DMD: variants seen among roughly 807,000 people sequenced by gnomAD.
The protein encoded by DMD is dystrophin, also known as mutant dystrophin.
A neutral mutation model predicts 330.1 loss-of-function variants in DMD; 63 were observed. That is an observed-to-expected ratio of 0.19 (90% CI 0.16 to 0.24). The LOEUF (loss-of-function observed/expected upper bound fraction) is 0.24. Ranked by LOEUF, DMD falls within the 10% of genes least tolerant of loss-of-function variation. The pLI is 1.00. For missense variants in DMD, 3,344 were observed against 2,684.1 expected (o/e 1.25, Z -5.43); for synonymous variants, 1,223 against 959.8 (o/e 1.27, Z -5.07).
rs376567820 is a variant in DMD at position 32,693,585 on chromosome X, G to T, written c.960+4285C>A. On this transcript the variant is annotated intron_variant, in intron 9 of 78. Coordinates refer to ENST00000357033, the MANE Select transcript of DMD (RefSeq NM_004006.3). ...TTCCCAAGTAGCTGGGATTACAGGTGTGTGCCACCACACTCGCTTAATTTT... is the reference window on the plus strand; with the variant it reads ...TTCCCAAGTAGCTGGGATTACAGGTTTGTGCCACCACACTCGCTTAATTTT... Among the ~76,000 whole-genome samples, 12 of 111,203 alleles carry T rather than the reference G, an allele frequency of 1.1e-4. No homozygotes were observed. The East Asian group carries it at 3.1e-3, about 29-fold the overall frequency.
chrX:33,208,860 C>A (rs919691903), intron 1 of DMD, among the ~76,000 whole-genome samples: 1 of 110,776 alleles, frequency 9.0e-6, no homozygotes, highest in African/African-American at 3.3e-5. Context: ...TTGTTTTACT[C>A]TTGAGATAAA....
chrX:31,785,456 C>G (rs769007558), intron 50 of DMD, among the ~76,000 whole-genome samples: 37 of 111,879 alleles, frequency 3.3e-4, no homozygotes, highest in African/African-American at 1.1e-3. Flanking sequence ...GTTTTTCAAC[C>G]ACATTTTTTA....
chrX:32,755,366 G>A (rs2748314), intron 7 of DMD, among the ~76,000 whole-genome samples: 40,514 of 109,743 alleles, frequency 0.37, 6,611 homozygotes, highest in African/African-American at 0.62. Context: ...AGGAAGATAC[G>A]GAAGTGAGCA....
At chrX:31,876,560 G>A (rs2093970338) in intron 47 of DMD, among the ~76,000 whole-genome samples, 1 of 110,485 alleles carries the variant, frequency 9.1e-6, no homozygotes, top group African/African-American at 3.3e-5. Context: ...TAAATAAAGA[G>A]CCAGGATAGG....
intron 47 of DMD, among the ~76,000 whole-genome samples, chrX:31,888,772 G>A (rs994907219): frequency 5.4e-5 from 6 of 111,540 alleles, no homozygotes; most frequent in African/African-American, 2.0e-4. Context: ...AATACATTGT[G>A]GTTATATGCC....
At chrX:31,717,104 T>A (rs2085121971) in intron 52 of DMD, among the ~76,000 whole-genome samples, 3 of 111,533 alleles carry the variant, frequency 2.7e-5, no homozygotes, top group Non-Finnish European at 3.8e-5. Flanking sequence ...GAAAATAAAA[T>A]CCACTTATAT....
chrX:31,631,412 G>C (rs1380387436), intron 54 of DMD, among the ~76,000 whole-genome samples: 4 of 111,236 alleles, frequency 3.6e-5, no homozygotes, highest in Non-Finnish European at 7.5e-5. Flanking sequence ...ATGTCCCCGA[G>C]ACGGGCTGCA....
At position 32,158,458 on chromosome X, in the gene DMD, T is replaced by C. The variant is rs1164465826; in HGVS notation, c.6438+58458A>G. On this transcript the variant is annotated intron_variant, in intron 44 of 78. Coordinates refer to ENST00000357033, the MANE Select transcript of DMD (RefSeq NM_004006.3). ...TGACCTTAAAAAAAGCAGAGTTTAA[T>C]TCATTGGACCTGCGGTGGTGCCTGA... Among the ~76,000 whole-genome samples the C allele has an allele frequency of 2.7e-5, 3 of 111,979 alleles. No homozygotes were observed. The East Asian group carries it at 8.4e-4, about 31-fold the overall frequency.
At chrX:31,806,187 T>C (rs781581090) in intron 50 of DMD, among the ~76,000 whole-genome samples, 4 of 112,545 alleles carry the variant, frequency 3.6e-5, no homozygotes, top group Non-Finnish European at 5.6e-5. Context: ...CAGTAAATTA[T>C]ATAAACCAAT....
intron 20 of DMD, among the ~76,000 whole-genome samples, chrX:32,490,264 T>C (rs1444132309): frequency 8.9e-6 from 1 of 111,996 alleles, no homozygotes; most frequent in Non-Finnish European, 1.9e-5. Context: ...AACGTTTTAG[T>C]CCATCCTCTA....
chrX:31,576,315 C>A (rs2076096074), intron 55 of DMD, among the ~76,000 whole-genome samples: 1 of 111,633 alleles, frequency 9.0e-6, no homozygotes, highest in Admixed American at 9.5e-5. Flanking sequence ...TAATATCATT[C>A]AAAATTTTCT....
At position 31,932,432 on chromosome X, in the gene DMD, C is replaced by A. The variant is rs142142731; in HGVS notation, c.6615-205G>T. ...TCTCTAAATGATAAGAGATTAAAAT[C>A]GAACAAGAAAAATTCTGATTCAAAA... On this transcript the variant is annotated intron_variant, in intron 45 of 78. Coordinates refer to ENST00000357033, the MANE Select transcript of DMD (RefSeq NM_004006.3). 2.1e-3 allele frequency among the ~76,000 whole-genome samples: 237 copies of A among 111,952 alleles called. No homozygotes were observed. The East Asian group carries it at 0.037, about 17-fold the overall frequency.
At chrX:32,434,781 A>G (rs1472316885) in intron 29 of DMD, among the ~76,000 whole-genome samples, 2 of 112,087 alleles carry the variant, frequency 1.8e-5, no homozygotes, top group Non-Finnish European at 3.8e-5. Context: ...CAAAAGTCCT[A>G]TTACTACACA....
intron 62 of DMD, among the ~76,000 whole-genome samples, chrX:31,275,741 A>T (rs890445618): frequency 1.3e-4 from 14 of 111,601 alleles, no homozygotes; most frequent in African/African-American, 4.6e-4. Context: ...AGAAAGGAGC[A>T]CTGGGAATTT....
At chrX:32,091,524 G>A (rs1276099444) in intron 44 of DMD, among the ~76,000 whole-genome samples, 3 of 104,977 alleles carry the variant, frequency 2.9e-5, no homozygotes, top group Non-Finnish European at 5.9e-5. Flanking sequence ...TTTTTTTTTT[G>A]GCAGTTCCAT....
intron 51 of DMD, among the ~76,000 whole-genome samples, chrX:31,730,238 G>A (rs1404040057): frequency 2.7e-5 from 3 of 111,989 alleles, no homozygotes; most frequent in South Asian, 3.7e-4. Flanking sequence ...ATGAAAAGGT[G>A]AAGTAGACGA....
chrX:33,003,754 C>T (rs1404277421), intron 2 of DMD, among the ~76,000 whole-genome samples: 1 of 111,832 alleles, frequency 8.9e-6, no homozygotes, highest in East Asian at 2.8e-4. Context: ...TTACATAGCT[C>T]GTTTAATATA....
chrX:31,128,043 T>A (rs1219121549), intron 77 of DMD, among the ~76,000 whole-genome samples: 1 of 111,707 alleles, frequency 9.0e-6, no homozygotes. Context: ...GTGTCACTAG[T>A]GGGAGATCCA....
At chrX:31,158,736 T>G (rs967097158) in intron 74 of DMD, among the ~76,000 whole-genome samples, 8 of 112,189 alleles carry the variant, frequency 7.1e-5, no homozygotes, top group Non-Finnish European at 1.3e-4. Flanking sequence ...ATTACCCCAG[T>G]GAAAACAATA....
Sources: allele counts gnomAD v4.1 joint callset (sites outside exome capture counted in the v4.1 genomes callset), GRCh38; gene constraint gnomAD v4.1.1; transcripts MANE v1.5; gene names NCBI Gene and HGNC (gene_info 2026-07-23, HGNC 2026-07-21).